DENND1B: variants seen among roughly 807,000 people sequenced by gnomAD.
The protein encoded by DENND1B is DENN domain-containing protein 1B.
DENND1B carries 59 observed loss-of-function variants against 90.1 expected under a neutral mutation model. That is an observed-to-expected ratio of 0.65 (90% confidence interval 0.53 to 0.81). DENND1B has a LOEUF of 0.81. DENND1B is among the 40% of genes least tolerant of loss of function. The pLI, the probability that DENND1B is intolerant of heterozygous loss-of-function variation, is 0.00. For missense variants in DENND1B, 862 were observed against 912.6 expected (o/e 0.94, Z 0.71); for synonymous variants, 337 against 324.6 (o/e 1.04, Z -0.41).
intron 13 of DENND1B, among the ~76,000 whole-genome samples, chr1:197,603,470 A>T (rs1261067694): frequency 6.6e-6 from 1 of 151,204 alleles, no homozygotes; most frequent in African/African-American, 2.4e-5. Context: ...TGACCTATCA[A>T]TATTATTACT....
intron 3 of DENND1B, among the ~76,000 whole-genome samples, chr1:197,700,945 C>G (rs1041795149): frequency 2.0e-5 from 3 of 152,006 alleles, no homozygotes; most frequent in Non-Finnish European, 4.4e-5. Context: ...TAGATGCTGG[C>G]GAGGCTGTGG....
At chr1:197,687,185 G>A (rs1231006998) in intron 3 of DENND1B, among the ~76,000 whole-genome samples, 2 of 152,126 alleles carry the variant, frequency 1.3e-5, no homozygotes, top group African/African-American at 4.8e-5. Context: ...AAAAGCCGTG[G>A]AACCTCAGGC....
In DENND1B at chr1:197,508,302, T is replaced by C. The variant is rs1267450777; in HGVS notation, c.*2158A>G. On this transcript the variant is annotated 3_prime_UTR_variant, in exon 23 of 23. Transcript: ENST00000620048. ...GATTAACAACCAGAGTAACCTTTTT[T>C]CCTTCTGATTTAAAACAGCTCTTTT... 6.6e-6 allele frequency: 1 copy of C among 151,748 alleles called. No homozygotes were observed. The highest frequency in any genetic ancestry group is 1.9e-4 in the East Asian group (1 of 5,150). 9.4% of individuals were successfully genotyped at this position (151,748 alleles called of 1,614,324 possible).
intron 3 of DENND1B, among the ~76,000 whole-genome samples, chr1:197,698,332 T>G (rs1658661169): frequency 6.6e-6 from 1 of 151,298 alleles, no homozygotes; most frequent in South Asian, 2.1e-4. Flanking sequence ...ACATAATGAA[T>G]CAGGCAGAAA....
intron 3 of DENND1B, among the ~76,000 whole-genome samples, chr1:197,707,788 G>A (rs1659740613): frequency 6.7e-6 from 1 of 148,494 alleles, no homozygotes; most frequent in Non-Finnish European, 1.5e-5. Flanking sequence ...GCAGAAGACG[G>A]GTGATTTCTG....
intron 3 of DENND1B, among the ~76,000 whole-genome samples, chr1:197,682,739 G>A (rs193290241): frequency 1.3e-5 from 2 of 152,160 alleles, no homozygotes; most frequent in East Asian, 3.9e-4. Context: ...AAGTAGGGGT[G>A]GTCCTTCCAT....
At chr1:197,608,236 G>C (rs1218137228) in intron 12 of DENND1B, among the ~76,000 whole-genome samples, 1 of 150,430 alleles carries the variant, frequency 6.6e-6, no homozygotes, top group African/African-American at 2.4e-5. Context: ...CTGCATATTA[G>C]AATGTTAAAC....
chr1:197,719,496 GA>G (rs1220467450), intron 2 of DENND1B, among the ~76,000 whole-genome samples: 2 of 151,890 alleles, frequency 1.3e-5, no homozygotes, highest in East Asian at 3.9e-4. Context: ...TGAGTTTTGT[GA>G]AAAAAAACTG....
intron 14 of DENND1B, among the ~76,000 whole-genome samples, chr1:197,593,712 TG>T (rs1313130318): frequency 6.6e-6 from 1 of 152,096 alleles, no homozygotes; most frequent in Non-Finnish European, 1.5e-5. Flanking sequence ...CACTTTGATT[TG>T]CTCCTTTCTT....
chr1:197,589,340 G>GA (rs1674979869), intron 14 of DENND1B, among the ~76,000 whole-genome samples: 2 of 152,178 alleles, frequency 1.3e-5, no homozygotes, highest in Non-Finnish European at 1.5e-5. Flanking sequence ...GAAATGAGCA[G>GA]AAAGAAAGTG....
At position 197,770,631 on chromosome 1, in the gene DENND1B, AAAATATATATCTAT is replaced by A. The variant is rs1159624461; in HGVS notation, c.82+2223_82+2236del. ...GTATATATATCTATAAATATATATA[AAAATATATATCTAT>A]AAATATATATCTATAAATATATATC... On this transcript the variant is annotated intron_variant, in intron 2 of 22. Coordinates refer to ENST00000620048, the MANE Select transcript of DENND1B (RefSeq NM_001195215.2). Among the ~76,000 whole-genome samples, 19 of 91,444 alleles carry A rather than the reference AAAATATATATCTAT, an allele frequency of 2.1e-4. 1 individual carries two copies. Among genetic ancestry groups the A allele is most frequent in the South Asian group, 1.2e-3 (3 of 2,524 alleles). The allele number at this position is 91,444 out of a possible 152,430, so 60.0% of individuals were successfully genotyped here.
At chr1:197,553,697 C>G (rs932548657) in intron 15 of DENND1B, among the ~76,000 whole-genome samples, 5 of 152,010 alleles carry the variant, frequency 3.3e-5, no homozygotes, top group Non-Finnish European at 7.4e-5. Context: ...CATAATAGAG[C>G]ACCAAATAAT....
intron 2 of DENND1B, chr1:197,735,027 T>C (rs1222445075): frequency 1.7e-5 from 17 of 985,510 alleles, no homozygotes; most frequent in Non-Finnish European, 2.0e-5. Flanking sequence ...ATTTCATTCC[T>C]ACTTCTGTAG....
chr1:197,735,998 T>C (rs1662643318), intron 2 of DENND1B: 10 of 1,094,820 alleles, frequency 9.1e-6, no homozygotes, highest in East Asian at 2.4e-5. Flanking sequence ...CTAAGCAAAG[T>C]ATCTAAAAAC....
chr1:197,772,067 G>C (rs1656686950), intron 2 of DENND1B, among the ~76,000 whole-genome samples: 1 of 152,122 alleles, frequency 6.6e-6, no homozygotes, highest in African/African-American at 2.4e-5. Context: ...TTACCTCCCT[G>C]CAAAAGTGCT....
intron 2 of DENND1B, among the ~76,000 whole-genome samples, chr1:197,741,121 C>G (rs576817941): frequency 2.6e-5 from 4 of 152,118 alleles, no homozygotes; most frequent in Non-Finnish European, 5.9e-5. Context: ...AAGGATAAGA[C>G]AAGTAAATCA....
chr1:197,567,575 T>G (rs10754225), intron 15 of DENND1B, among the ~76,000 whole-genome samples: 1 of 152,004 alleles, frequency 6.6e-6, no homozygotes, highest in Non-Finnish European at 1.5e-5. Flanking sequence ...TAAACATAGA[T>G]GCAAAAATCT....
At chr1:197,734,635 AAAT>A in intron 2 of DENND1B, 1 of 985,226 alleles carries the variant, frequency 1.0e-6, no homozygotes, top group Non-Finnish European at 1.2e-6. Context: ...AAACTTTGCA[AAAT>A]AATCAGAATA....
chr1:197,689,297 A>G (rs1462339131), intron 3 of DENND1B, among the ~76,000 whole-genome samples: 2 of 152,080 alleles, frequency 1.3e-5, no homozygotes, highest in Non-Finnish European at 2.9e-5. Context: ...TTATAAAACC[A>G]TCAAATCTCG....
Sources: gnomAD v4.1 joint callset for allele counts (sites outside exome capture counted in the v4.1 genomes callset) on GRCh38, gnomAD v4.1.1 for gene constraint, MANE v1.5 for transcripts, NCBI Gene and HGNC (gene_info 2026-07-23, HGNC 2026-07-21) for gene names.